Variants in MAML2 observed in about 807,000 individuals in gnomAD.
MAML2 encodes mastermind like transcriptional coactivator 2.
Under a neutral mutation model 96.1 loss-of-function variants are expected in MAML2, and 22 were observed. The observed-to-expected ratio is 0.23, with a 90% CI of 0.16 to 0.33. MAML2 has a LOEUF of 0.33. Among genes scored for constraint, MAML2 ranks in the 10% least tolerant of loss-of-function variants. MAML2 has a pLI of 1.00. For synonymous variants in MAML2, 561 were observed against 521.3 expected, an observed-to-expected ratio of 1.08 and a Z score of -1.04; for missense variants, 1,367 against 1,392.4, an observed-to-expected ratio of 0.98 and a Z score of 0.29.
At chr11:96,231,952 C>T (rs955509809) in intron 1 of MAML2, among the ~76,000 whole-genome samples, 1 of 152,178 alleles carries the variant, frequency 6.6e-6, no homozygotes, top group Non-Finnish European at 1.5e-5. Flanking sequence ...TCAAAGAGCT[C>T]ACCTGAAGGT....
chr11:96,210,035 T>A (rs1730546584), intron 1 of MAML2, among the ~76,000 whole-genome samples: 1 of 152,178 alleles, frequency 6.6e-6, no homozygotes, highest in Non-Finnish European at 1.5e-5. Flanking sequence ...CTTCAAAGAT[T>A]CTCAGTTAAT....
intron 1 of MAML2, among the ~76,000 whole-genome samples, chr11:96,208,024 C>G (rs1861918810): frequency 6.6e-6 from 1 of 152,188 alleles, no homozygotes; most frequent in South Asian, 2.1e-4. Context: ...AACTCAGAGT[C>G]TCCATCATAT....
At chr11:96,310,556 A>G (rs491745) in intron 1 of MAML2, among the ~76,000 whole-genome samples, 31,967 of 152,116 alleles carry the variant, frequency 0.21, 3,623 homozygotes, top group Middle Eastern at 0.26. Context: ...ACCTTTTCTA[A>G]TTCACATATT....
At chr11:96,320,579 A>C (rs2136010700) in intron 1 of MAML2, among the ~76,000 whole-genome samples, 1 of 152,302 alleles carries the variant, frequency 6.6e-6, no homozygotes, top group East Asian at 1.9e-4. Flanking sequence ...TACCCTACTC[A>C]ACTTCTGCTG....
At chr11:96,153,772 G>T (rs1860965385) in intron 1 of MAML2, among the ~76,000 whole-genome samples, 1 of 152,088 alleles carries the variant, frequency 6.6e-6, no homozygotes, top group Non-Finnish European at 1.5e-5. Context: ...TTTGCTGTGT[G>T]TGGTGGCACA....
At chr11:96,203,040 C>T (rs1251193472) in intron 1 of MAML2, among the ~76,000 whole-genome samples, 4 of 152,068 alleles carry the variant, frequency 2.6e-5, no homozygotes, top group Non-Finnish European at 5.9e-5. Flanking sequence ...TCTAAATTGC[C>T]TTTTAAAATC....
At chr11:96,263,238 CA>C (rs1287781575) in intron 1 of MAML2, among the ~76,000 whole-genome samples, 1 of 152,134 alleles carries the variant, frequency 6.6e-6, no homozygotes. Flanking sequence ...ATGTCCAATT[CA>C]GGTATGTTTT....
intron 2 of MAML2, among the ~76,000 whole-genome samples, chr11:96,087,634 G>C (rs1355174389): frequency 6.6e-6 from 1 of 152,036 alleles, no homozygotes; most frequent in African/African-American, 2.4e-5. Flanking sequence ...CATTTTTTTA[G>C]CCTCCTTCTT....
intron 4 of MAML2, among the ~76,000 whole-genome samples, chr11:95,982,816 G>T (rs1036045576): frequency 6.6e-6 from 1 of 152,106 alleles, no homozygotes; most frequent in Non-Finnish European, 1.5e-5. Flanking sequence ...TTATAGTGGA[G>T]CTGAAAAATT....
chr11:95,985,587 T>C lies in MAML2; in HGVS notation c.2399A>G (p.Asp800Gly). Reference protein sequence around the residue: ...INRHLSRPPPDYKDQRRNVGN... With the variant: ...INRHLSRPPPGYKDQRRNVGN... ...CACATTTCTTCTTTGGTCTTTATAA[T>C]CTGGAGGTGGCCTTGACAAATGTCG... The change falls in exon 4 of 5, where the codon GAT becomes GGT. Residue 800 changes from aspartate to glycine, a missense_variant. Transcript: ENST00000524717. The C allele has an allele frequency of 6.2e-7, 1 of 1,613,060 alleles. No individual in the cohort carries two copies. Among genetic ancestry groups the C allele is most frequent in the Non-Finnish European group, 8.5e-7 (1 of 1,179,406 alleles).
intron 1 of MAML2, among the ~76,000 whole-genome samples, chr11:96,269,353 A>C (rs1168886602): frequency 1.4e-5 from 2 of 144,632 alleles, no homozygotes; most frequent in Non-Finnish European, 3.0e-5. Context: ...ATTCAGCCTA[A>C]ATAGCTATTG....
At chr11:96,226,845 G>A (rs1862217676) in intron 1 of MAML2, among the ~76,000 whole-genome samples, 1 of 152,160 alleles carries the variant, frequency 6.6e-6, no homozygotes, top group Non-Finnish European at 1.5e-5. Context: ...AATGACAGAT[G>A]TAGCCCTTAT....
intron 1 of MAML2, among the ~76,000 whole-genome samples, chr11:96,326,905 T>C (rs906847630): frequency 1.3e-5 from 2 of 152,214 alleles, no homozygotes; most frequent in East Asian, 3.8e-4. Context: ...GGAATACTTA[T>C]GGTGAATAAA....
chr11:96,209,609 A>AAAC (rs61564435), intron 1 of MAML2, among the ~76,000 whole-genome samples: 12,434 of 151,346 alleles, frequency 0.082, 595 homozygotes, highest in Non-Finnish European at 0.1. Context: ...AACAAACAAA[A>AAAC]AAGCAAAGTA....
intron 3 of MAML2, 74 bp downstream of exon 3, chr11:95,991,446 T>A (rs978376713): frequency 2.2e-6 from 3 of 1,388,154 alleles, no homozygotes; most frequent in Non-Finnish European, 3.1e-6. Flanking sequence ...GCACAGTAAA[T>A]ATAAATGGAA....
At chr11:96,320,129 G>A (rs776500800) in intron 1 of MAML2, among the ~76,000 whole-genome samples, 5 of 152,302 alleles carry the variant, frequency 3.3e-5, no homozygotes, top group Non-Finnish European at 5.9e-5. Context: ...CACCAAAGGC[G>A]TTTTATGAGT....
intron 1 of MAML2, among the ~76,000 whole-genome samples, chr11:96,287,068 C>A (rs1863150538): frequency 1.3e-5 from 2 of 152,124 alleles, no homozygotes; most frequent in Non-Finnish European, 2.9e-5. Context: ...AAAAAATCAG[C>A]AGCTAGCACT....
At chr11:96,319,141 C>T (rs150636817) in intron 1 of MAML2, among the ~76,000 whole-genome samples, 87 of 152,318 alleles carry the variant, frequency 5.7e-4, no homozygotes, top group Middle Eastern at 6.8e-3. Flanking sequence ...GCAGCCTATA[C>T]GGAGGCCATC....
At chr11:96,300,927 C>T (rs986781825) in intron 1 of MAML2, among the ~76,000 whole-genome samples, 3 of 152,178 alleles carry the variant, frequency 2.0e-5, no homozygotes, top group Admixed American at 2.0e-4. Flanking sequence ...AAATCCTATG[C>T]CTCAGTTTCC....
Sources: allele counts gnomAD v4.1 joint callset (sites outside exome capture counted in the v4.1 genomes callset), GRCh38; gene constraint gnomAD v4.1.1; transcripts MANE v1.5; gene names NCBI Gene and HGNC (gene_info 2026-07-23, HGNC 2026-07-21).